The following GPHN variants were observed in gnomAD, a reference collection of about 807,000 sequenced individuals.
The protein encoded by GPHN is gephyrin.
In GPHN, 17 loss-of-function variants were observed where a neutral mutation model predicts 95.5. The observed-to-expected ratio is 0.18, with a 90% CI of 0.12 to 0.27. The LOEUF (loss-of-function observed/expected upper bound fraction) is 0.27, where lower values mean the gene tolerates loss of function less well. GPHN is among the 10% of genes least tolerant of loss of function. The pLI, the probability that GPHN is intolerant of heterozygous loss-of-function variation, is 1.00. For missense variants in GPHN, 660 were observed against 978.1 expected (o/e 0.67, Z 4.34); for synonymous variants, 320 against 322.5 (o/e 0.99, Z 0.08).
intron 8 of GPHN, among the ~76,000 whole-genome samples, chr14:66,941,905 T>C (rs1011947233): frequency 5.3e-5 from 8 of 152,210 alleles, no homozygotes; most frequent in East Asian, 1.9e-4. Context: ...AAAATCAGTT[T>C]CCATGAATCT....
the GPHN span, among the ~76,000 whole-genome samples, chr14:67,551,462 A>T: frequency 6.6e-6 from 1 of 152,178 alleles, no homozygotes; most frequent in South Asian, 2.1e-4. Context: ...TTATTATTAT[A>T]TATATATATT....
intron 4 of GPHN, chr14:66,842,850 A>G: frequency 1.5e-6 from 1 of 672,900 alleles, no homozygotes. Context: ...ATTGTTATGT[A>G]TCTATGTTCT....
At chr14:67,708,045 A>C in the GPHN span, among the ~76,000 whole-genome samples, 1 of 152,228 alleles carries the variant, frequency 6.6e-6, no homozygotes, top group Non-Finnish European at 1.5e-5. Context: ...TTCTTACTGC[A>C]CTTACGTAAA....
At chr14:66,594,711 A>T (rs566296129) in intron 1 of GPHN, among the ~76,000 whole-genome samples, 1 of 152,190 alleles carries the variant, frequency 6.6e-6, no homozygotes, top group Non-Finnish European at 1.5e-5. Context: ...AAAACTGTGA[A>T]AGTAGTAAAT....
chr14:67,052,557 A>C (rs1156923305), intron 10 of GPHN, among the ~76,000 whole-genome samples: 1 of 141,412 alleles, frequency 7.1e-6, no homozygotes, highest in Admixed American at 7.0e-5. Flanking sequence ...AAATTAACAA[A>C]GATATTCAGG....
the GPHN span, chr14:67,646,864 A>C: frequency 4.3e-6 from 6 of 1,407,720 alleles, no homozygotes; most frequent in Admixed American, 8.5e-5. Flanking sequence ...CCCCAAATAC[A>C]TATTTGTTAA....
the GPHN span, chr14:67,302,581 C>T: frequency 2.3e-4 from 339 of 1,467,430 alleles, 3 homozygotes; most frequent in African/African-American, 4.6e-3. Context: ...GGTAAGTTGA[C>T]GCAGCTAGAA....
In GPHN at chr14:66,685,499, C is replaced by T. The variant is rs573854622; in HGVS notation, c.143+4314C>T. Among the ~76,000 whole-genome samples, 59 of 152,264 alleles carry T rather than the reference C, an allele frequency of 3.9e-4. 1 individual carries two copies. Among genetic ancestry groups the T allele is most frequent in the African/African-American group, 1.4e-3 (59 of 41,558 alleles). Reference sequence around the variant, plus strand: ...TTTTGATTTGCATTTCTCTGATGGCCAGTGATGATGAGCATTTTTTCATGT... The same window carrying T: ...TTTTGATTTGCATTTCTCTGATGGCTAGTGATGATGAGCATTTTTTCATGT... On this transcript the variant is annotated intron_variant, in intron 2 of 22. Transcript: ENST00000478722.
chr14:66,574,169 A>G (rs919808345), intron 1 of GPHN, among the ~76,000 whole-genome samples: 1 of 152,114 alleles, frequency 6.6e-6, no homozygotes, highest in Non-Finnish European at 1.5e-5. Context: ...TCTTGTATCT[A>G]CTACAGGGTT....
chr14:67,605,497 C>T, the GPHN span, among the ~76,000 whole-genome samples: 2 of 152,160 alleles, frequency 1.3e-5, no homozygotes, highest in East Asian at 1.9e-4. Context: ...GCTGGGCTTA[C>T]AGGCATGAGC....
chr14:67,397,684 C>T, the GPHN span: 1 of 1,612,698 alleles, frequency 6.2e-7, no homozygotes. Context: ...ATACTCCAGG[C>T]AGGGGCAGGT....
chr14:66,760,943 A>T, intron 2 of GPHN: 1 of 791,130 alleles, frequency 1.3e-6, no homozygotes, highest in Non-Finnish European at 2.1e-6. Context: ...CCTCTTTTGC[A>T]GGCAAAGGGA....
intron 10 of GPHN, among the ~76,000 whole-genome samples, chr14:67,046,599 TTATG>T (rs1289292370): frequency 6.6e-6 from 1 of 152,220 alleles, no homozygotes; most frequent in Non-Finnish European, 1.5e-5. Flanking sequence ...TTTATCATCT[TTATG>T]TACAGAAATC....
chr14:66,986,236 A>G (rs1414125485), intron 9 of GPHN, among the ~76,000 whole-genome samples: 4 of 152,120 alleles, frequency 2.6e-5, no homozygotes, highest in African/African-American at 4.8e-5. Context: ...TAATCTTAAG[A>G]AATTGAAAGA....
chr14:67,025,099 T>A lies in GPHN; in HGVS notation c.1006+1424T>A, dbSNP rs370781792. ...ATAAGTCTCGCATTAGATTGCACTT[T>A]GATTTCTTTTCTTTGAGCTCCCTAG... On this transcript the variant is annotated intron_variant, in intron 10 of 22. Transcript: ENST00000478722. Among the ~76,000 whole-genome samples, 8 of 152,288 alleles carry A rather than the reference T, an allele frequency of 5.3e-5. No homozygotes were observed. In the East Asian group the frequency reaches 5.8e-4, roughly 11 times the overall value.
At chr14:67,578,554 G>T in the GPHN span, 2 of 1,610,958 alleles carry the variant, frequency 1.2e-6, no homozygotes, top group Non-Finnish European at 1.7e-6. The surrounding 1 kb of genome is among the most constrained non-coding windows in gnomAD (Gnocchi z 5.0). Context: ...TCCTCGCTCT[G>T]TGTGCTCCAC....
the GPHN span, chr14:67,279,078 G>C: frequency 3.5e-6 from 3 of 863,808 alleles, no homozygotes; most frequent in Non-Finnish European, 4.5e-6. Flanking sequence ...TTTTTTTTTT[G>C]AAGTAACATG....
chr14:67,667,695 T>C, the GPHN span, among the ~76,000 whole-genome samples: 1 of 152,040 alleles, frequency 6.6e-6, no homozygotes, highest in East Asian at 1.9e-4. Flanking sequence ...CTGTAATCCC[T>C]GCACTTTGGG....
intron 1 of GPHN, among the ~76,000 whole-genome samples, chr14:66,526,498 C>T (rs553826052): frequency 6.6e-6 from 1 of 152,252 alleles, no homozygotes; most frequent in South Asian, 2.1e-4. Flanking sequence ...TTGCCCTGGC[C>T]AGAACTTTCA....
Sources: allele counts gnomAD v4.1 joint callset (sites outside exome capture counted in the v4.1 genomes callset), GRCh38; gene constraint gnomAD v4.1.1; non-coding constraint Gnocchi (gnomAD v3.1); transcripts MANE v1.5; gene names NCBI Gene and HGNC (gene_info 2026-07-23, HGNC 2026-07-21).